The following GPHN variants were observed in gnomAD, a reference collection of about 807,000 sequenced individuals.
GPHN encodes the protein gephyrin.
GPHN carries 17 observed loss-of-function variants against 95.5 expected under a neutral mutation model. The observed-to-expected ratio is 0.18, with a 90% CI of 0.12 to 0.27. The LOEUF is 0.27. Among genes scored for constraint, GPHN ranks in the 10% least tolerant of loss-of-function variants. The pLI is 1.00. For missense variants in GPHN, 660 were observed against 978.1 expected, an observed-to-expected ratio of 0.67 and a Z score of 4.34; for synonymous variants, 320 against 322.5, an observed-to-expected ratio of 0.99 and a Z score of 0.08.
Position 66,535,401 on chromosome 14 carries a change from C to G in GPHN, c.64+26810C>G, listed in dbSNP as rs1426534355. Among the ~76,000 whole-genome samples the G allele has an allele frequency of 2.6e-5, 4 of 152,004 alleles. No homozygotes were observed. In the East Asian group the frequency reaches 7.7e-4, roughly 29 times the overall value. On this transcript the variant is annotated intron_variant, in intron 1 of 22. Transcript: ENST00000478722. Reference sequence around the variant, plus strand: ...ATCTTGGTATCTGGTGGTATAAGTTCCTTCAATTTTATTTCTTCTTCAACA... The same window carrying G: ...ATCTTGGTATCTGGTGGTATAAGTTGCTTCAATTTTATTTCTTCTTCAACA...
At chr14:67,724,999 G>C in the GPHN span, 21 of 1,329,880 alleles carry the variant, frequency 1.6e-5, no homozygotes, top group South Asian at 2.1e-4. Flanking sequence ...AGGATGGCTG[G>C]GAGAATGAAT....
intron 11 of GPHN, among the ~76,000 whole-genome samples, chr14:67,087,853 T>A (rs1342430332): frequency 1.3e-5 from 2 of 152,192 alleles, no homozygotes; most frequent in African/African-American, 4.8e-5. Flanking sequence ...TCTTGGTTTC[T>A]TTTCTTCCTT....
chr14:67,575,769 A>T, the GPHN span: 1 of 1,328,730 alleles, frequency 7.5e-7, no homozygotes. Context: ...CAGAGAGAGG[A>T]GACTCCCTCA....
the GPHN span, chr14:67,345,823 A>G: frequency 6.2e-7 from 1 of 1,614,002 alleles, no homozygotes; most frequent in East Asian, 2.2e-5. Flanking sequence ...ATTCCTCTTT[A>G]ATTTAGCCAA....
chr14:66,590,953 C>G (rs1434557950), intron 1 of GPHN, among the ~76,000 whole-genome samples: 4 of 152,158 alleles, frequency 2.6e-5, no homozygotes, highest in Non-Finnish European at 5.9e-5. Context: ...AAAATCTTAT[C>G]CACCATAATC....
chr14:66,913,881 C>T (rs1169159798), intron 5 of GPHN, among the ~76,000 whole-genome samples: 1 of 152,010 alleles, frequency 6.6e-6, no homozygotes, highest in Non-Finnish European at 1.5e-5. Flanking sequence ...TGTAAAAATA[C>T]TTTATTAATC....
At chr14:66,977,519 A>G (rs1312311641) in intron 9 of GPHN, among the ~76,000 whole-genome samples, 2 of 152,198 alleles carry the variant, frequency 1.3e-5, no homozygotes, top group Non-Finnish European at 2.9e-5. Flanking sequence ...CAAACTATGT[A>G]CAGGAATTTT....
chr14:66,548,036 G>C (rs984344287), intron 1 of GPHN, among the ~76,000 whole-genome samples: 1 of 151,500 alleles, frequency 6.6e-6, no homozygotes, highest in Non-Finnish European at 1.5e-5. Flanking sequence ...CAGACTTGTT[G>C]GTATCATTTT....
chr14:66,576,275 G>A (rs1312070370), intron 1 of GPHN, among the ~76,000 whole-genome samples: 1 of 152,064 alleles, frequency 6.6e-6, no homozygotes, highest in East Asian at 1.9e-4. Context: ...CTGGTCTTGT[G>A]GTACTTTTTA....
chr14:67,186,151 C>T (rs1349612665), downstream of GPHN, among the ~76,000 whole-genome samples: 1 of 152,036 alleles, frequency 6.6e-6, no homozygotes, highest in African/African-American at 2.4e-5. Context: ...ATTTCTTAAA[C>T]TCCTACAGTA....
At chr14:67,066,353 C>G (rs1186632246) in intron 11 of GPHN, among the ~76,000 whole-genome samples, 1 of 152,076 alleles carries the variant, frequency 6.6e-6, no homozygotes, top group Non-Finnish European at 1.5e-5. Context: ...CTCTGGCTGC[C>G]CTTAACATTT....
intron 1 of GPHN, among the ~76,000 whole-genome samples, chr14:66,583,275 C>A (rs921238072): frequency 1.3e-5 from 2 of 152,078 alleles, no homozygotes; most frequent in Non-Finnish European, 2.9e-5. Flanking sequence ...ATTGAAGATT[C>A]TGGATATTAA....
At chr14:67,600,262 C>A in the GPHN span, 1 of 1,415,108 alleles carries the variant, frequency 7.1e-7, no homozygotes, top group South Asian at 1.4e-5. Context: ...CCGGCCCTGG[C>A]CGTCTCGCCC....
At chr14:67,208,555 A>G in the GPHN span, 1 of 1,195,120 alleles carries the variant, frequency 8.4e-7, no homozygotes, top group Non-Finnish European at 1.2e-6. Context: ...GAAGATTCTC[A>G]GAGACAGATG....
chr14:66,837,317 C>T lies in GPHN; in HGVS notation c.294+12751C>T, dbSNP rs1011851602. On this transcript the variant is annotated intron_variant, in intron 4 of 22. Coordinates refer to ENST00000478722, the MANE Select transcript of GPHN (RefSeq NM_020806.5). ...TAGGGACATGGATGAAATTGGGAAC[C>T]ATCATTCTCAGTAAACTATCGCAAG... is the stretch of plus-strand genomic sequence containing the variant. Among the ~76,000 whole-genome samples, 146 of 151,004 alleles carry T rather than the reference C, an allele frequency of 9.7e-4. 1 individual carries two copies. The highest frequency in any genetic ancestry group is 3.4e-3 in the African/African-American group (138 of 40,852).
At chr14:67,573,199 G>A in the GPHN span, 7 of 858,848 alleles carry the variant, frequency 8.2e-6, no homozygotes, top group African/African-American at 3.3e-5. The surrounding 1 kb of genome is among the most constrained non-coding windows in gnomAD (Gnocchi z 4.8). Flanking sequence ...GAGGCAGCTG[G>A]ACCACTTGGA....
intron 3 of GPHN, among the ~76,000 whole-genome samples, chr14:66,809,032 G>T (rs902142040): frequency 6.6e-6 from 1 of 152,184 alleles, no homozygotes; most frequent in African/African-American, 2.4e-5. Context: ...AAATAAGAAG[G>T]TAAGTTAGGT....
At chr14:67,450,599 C>A in the GPHN span, among the ~76,000 whole-genome samples, 1 of 152,186 alleles carries the variant, frequency 6.6e-6, no homozygotes, top group Non-Finnish European at 1.5e-5. Context: ...TGCCCCTGCC[C>A]TAGAGATTTG....
the GPHN span, chr14:67,381,797 T>A: frequency 1.3e-6 from 1 of 796,064 alleles, no homozygotes; most frequent in Non-Finnish European, 2.0e-6. Context: ...ATAACAAAAG[T>A]GGGTTTTTTA....
Sources: allele counts gnomAD v4.1 joint callset (sites outside exome capture counted in the v4.1 genomes callset), GRCh38; gene constraint gnomAD v4.1.1; non-coding constraint Gnocchi (gnomAD v3.1); transcripts MANE v1.5; gene names NCBI Gene and HGNC (gene_info 2026-07-23, HGNC 2026-07-21).